The following SNED1 variants were observed in gnomAD, a reference collection of about 807,000 sequenced individuals.
SNED1 encodes the protein sushi, nidogen and EGF like domains 1, also known as sushi, nidogen and EGF-like domain-containing protein 1.
In SNED1, 81 loss-of-function variants were observed where a neutral mutation model predicts 166.7. That is an observed-to-expected ratio of 0.49 (90% CI 0.41 to 0.58). SNED1 has a LOEUF of 0.58. SNED1 is among the 20% of genes least tolerant of loss of function. The probability of loss-of-function intolerance (pLI) is 0.00; values close to 1 mark genes in which losing one functional copy is unlikely to be tolerated. For synonymous variants in SNED1, 762 were observed against 822.0 expected (o/e 0.93, Z 1.25); for missense variants, 1,604 against 2,000.2 (o/e 0.80, Z 3.78).
chr2:241,082,209 G>C (rs992458895), intron 28 of SNED1, 68 bp from the exon 29 acceptor site: 24 of 1,301,930 alleles, frequency 1.8e-5, no homozygotes, highest in Non-Finnish European at 2.6e-5. Context: ...CCTTGGGCAA[G>C]GCCTCTCAAG....
chr2:241,005,902 T>G (rs2060209532), intron 1 of SNED1, among the ~76,000 whole-genome samples: 1 of 152,082 alleles, frequency 6.6e-6, no homozygotes, highest in Non-Finnish European at 1.5e-5. Context: ...TCTGCTTGGT[T>G]TCATTAAGAC....
upstream of SNED1, among the ~76,000 whole-genome samples, chr2:240,998,493 G>A (rs544255971): frequency 4.7e-4 from 71 of 152,322 alleles, 1 homozygote; most frequent in South Asian, 0.014. Context: ...AGGGGACTGA[G>A]CTCCCCGCGC....
In SNED1 at chr2:241,036,929, C is replaced by T. The variant is rs1483750642; in HGVS notation, c.931+14C>T. 1 of 1,604,594 alleles carries T rather than the reference C, an allele frequency of 6.2e-7. No homozygotes were observed. The highest frequency in any genetic ancestry group is 1.7e-5 in the Admixed American group (1 of 58,676). ...GGTGCCACCTGGGTGAGTGACTGGC[C>T]CAGGGCGGGACCACCCGCTGGCTGC... On this transcript the variant is annotated intron_variant, in intron 5 of 31. Transcript: ENST00000310397.
chr2:241,076,042 C>T (rs551375418), intron 27 of SNED1, among the ~76,000 whole-genome samples: 1 of 152,204 alleles, frequency 6.6e-6, no homozygotes, highest in African/African-American at 2.4e-5. Flanking sequence ...TGTGTTCACT[C>T]TAACTTTGTA....
intron 1 of SNED1, among the ~76,000 whole-genome samples, chr2:241,008,563 G>C (rs920149484): frequency 9.2e-5 from 14 of 152,242 alleles, no homozygotes; most frequent in Admixed American, 3.3e-4. Context: ...ACTGCCGTCT[G>C]TCTGCGACCA....
rs1374297809 is a variant in SNED1, at chr2:241,048,612, C to A, written c.1400-50C>A. ...CAGGGCAGGGTCTGGAGCGAGGGTG[C>A]CATCTTTCTGCGCCCCCACATGGGA... On this transcript the variant is annotated intron_variant, in intron 9 of 31. Coordinates refer to ENST00000310397, the MANE Select transcript of SNED1 (RefSeq NM_001080437.3). 10 of 1,538,488 alleles carry A rather than the reference C, an allele frequency of 6.5e-6. No homozygotes were observed. In the African/African-American group the frequency reaches 1.4e-4, roughly 21 times the overall value.
At chr2:241,071,237 C>T (rs535182373) in intron 24 of SNED1, among the ~76,000 whole-genome samples, 1 of 152,314 alleles carries the variant, frequency 6.6e-6, no homozygotes, top group African/African-American at 2.4e-5. Flanking sequence ...CCAGGGCAGC[C>T]TGGGACCTGA....
At chr2:241,049,388 A>C (rs186546819) in intron 11 of SNED1, among the ~76,000 whole-genome samples, 77 of 152,358 alleles carry the variant, frequency 5.1e-4, no homozygotes, top group African/African-American at 1.7e-3. Flanking sequence ...TATCTTACCT[A>C]AGCCCCAACA....
chr2:241,008,525 C>T (rs2060290491), intron 1 of SNED1, among the ~76,000 whole-genome samples: 1 of 152,190 alleles, frequency 6.6e-6, no homozygotes, highest in South Asian at 2.1e-4. Context: ...AAGGGCAAGA[C>T]AGGCTGGAAG....
chr2:241,066,020 A>AG (rs1317168000), intron 21 of SNED1, among the ~76,000 whole-genome samples: 1 of 152,130 alleles, frequency 6.6e-6, no homozygotes, highest in African/African-American at 2.4e-5. Flanking sequence ...ACCTGCTCAC[A>AG]GGGATATGTA....
intron 21 of SNED1, 63 bp downstream of exon 21, chr2:241,065,658 C>T (rs1481967188): frequency 7.0e-7 from 1 of 1,429,268 alleles, no homozygotes; most frequent in African/African-American, 1.4e-5. Context: ...AGCGCTGGCC[C>T]CGGCACCTGC....
intron 1 of SNED1, among the ~76,000 whole-genome samples, chr2:241,014,135 A>G (rs975254592): frequency 5.3e-5 from 8 of 151,886 alleles, no homozygotes; most frequent in Admixed American, 1.3e-4. Flanking sequence ...CAGCCTCCCA[A>G]GTAGCTAGGA....
rs570233237 is a variant in SNED1, at chr2:241,075,382, G to T, written c.3916+2018G>T. 1 of 152,316 alleles carries T rather than the reference G, an allele frequency of 6.6e-6. No individual in the cohort carries two copies. Among genetic ancestry groups the T allele is most frequent in the African/African-American group, 2.4e-5 (1 of 41,558 alleles). 9.4% of individuals were successfully genotyped at this position (152,316 alleles called of 1,614,324 possible). A position where few individuals can be genotyped will look rare whatever the true frequency, so the allele number is the denominator to read the frequency against. Reference sequence around the variant, plus strand: ...GTGAATCCAGTCTCTCTAGAACTAGGTTTTGCCGGGTTTGCAGATCCTACA... The same window carrying T: ...GTGAATCCAGTCTCTCTAGAACTAGTTTTTGCCGGGTTTGCAGATCCTACA... On this transcript the variant is annotated intron_variant, in intron 27 of 31. Coordinates refer to ENST00000310397, the MANE Select transcript of SNED1 (RefSeq NM_001080437.3). The surrounding 1 kb of genome is among the most constrained non-coding windows in gnomAD (Gnocchi z 4.8).
rs57902432 is a variant in SNED1, at chr2:241,057,380, A to AATATATATATATATATAT, written c.2257+4069_2257+4086dup. 2.8e-3 allele frequency among the ~76,000 whole-genome samples: 335 copies of AATATATATATATATATAT among 118,008 alleles called. 1 individual carries two copies. Among genetic ancestry groups the AATATATATATATATATAT allele is most frequent in the African/African-American group, 6.5e-3 (170 of 26,126 alleles). The allele number at this position is 118,008 out of a possible 152,430, so 77.4% of individuals were successfully genotyped here. A position where few individuals can be genotyped will look rare whatever the true frequency, so the allele number is the denominator to read the frequency against. ...GGCGACGAGCAAAACTCCATCTCAA[A>AATATATATATATATATAT]ATATATATATATATATATATATATA... On this transcript the variant is annotated intron_variant, in intron 16 of 31. Coordinates refer to ENST00000310397, the MANE Select transcript of SNED1 (RefSeq NM_001080437.3).
Position 241,063,657 on chromosome 2 carries a change from C to T in SNED1, c.2442C>T (p.Val814=). 1 of 1,612,422 alleles carries T rather than the reference C, an allele frequency of 6.2e-7. No homozygotes were observed. Among genetic ancestry groups the T allele is most frequent in the South Asian group, 1.1e-5 (1 of 90,616 alleles). ...GSCRNLPGAY[V]CRCPAGFVGV... is the part of the protein sequence containing the mutation. Reference sequence around the variant, plus strand: ...GCAGGAACCTCCCAGGGGCCTATGTCTGCCGGTGCCCTGCAGGCTTCGTTG... The same window carrying T: ...GCAGGAACCTCCCAGGGGCCTATGTTTGCCGGTGCCCTGCAGGCTTCGTTG... The change falls in exon 18 of 32, where the codon GTC becomes GTT. Residue 814 remains valine, a synonymous_variant. Transcript: ENST00000310397.
At chr2:241,038,076 C>CA (rs1219942606) in intron 6 of SNED1, among the ~76,000 whole-genome samples, 2 of 151,906 alleles carry the variant, frequency 1.3e-5, no homozygotes, top group African/African-American at 4.8e-5. Context: ...TGGACCCCCC[C>CA]CCAATTCCTG....
chr2:241,068,898 C>T lies in SNED1; in HGVS notation c.3195-13C>T, dbSNP rs1436126253. The T allele has an allele frequency of 6.5e-7, 1 of 1,532,470 alleles. No homozygotes were observed. The highest frequency in any genetic ancestry group is 8.8e-7 in the Non-Finnish European group (1 of 1,131,846). The allele number at this position is 1,532,470 out of a possible 1,614,324, so 94.9% of individuals were successfully genotyped here. A position where few individuals can be genotyped will look rare whatever the true frequency, so the allele number is the denominator to read the frequency against. On this transcript the variant is annotated splice_polypyrimidine_tract_variant and intron_variant, in intron 22 of 31. Coordinates refer to ENST00000310397, the MANE Select transcript of SNED1 (RefSeq NM_001080437.3). The surrounding 1 kb of genome is among the most constrained non-coding windows in gnomAD (Gnocchi z 5.3). ...GACATCCCTGTTCTCTCTTTGTCAC[C>T]TCCTGCCCACAGGGCCCTGCTGCCT... is the stretch of plus-strand genomic sequence containing the variant.
Position 241,073,534 on chromosome 2 carries a change from C to T in SNED1, c.3916+170C>T, listed in dbSNP as rs993903441. On this transcript the variant is annotated intron_variant, in intron 27 of 31. Transcript: ENST00000310397. The surrounding 1 kb of genome is among the most constrained non-coding windows in gnomAD (Gnocchi z 6.6). ...GGTGTGGGAAGATGGGGTGAAGCTA[C>T]ACCACCCAAGCAGTGGGACCCCACA... is the stretch of plus-strand genomic sequence containing the variant. The T allele has an allele frequency of 1.8e-5, 12 of 662,020 alleles. No individual in the cohort carries two copies. In the African/African-American group the frequency reaches 2.0e-4, roughly 11 times the overall value. The allele number at this position is 662,020 out of a possible 1,614,324, so 41.0% of individuals were successfully genotyped here. A position where few individuals can be genotyped will look rare whatever the true frequency, so the allele number is the denominator to read the frequency against.
At chr2:241,023,189 A>C (rs933785665) in intron 1 of SNED1, among the ~76,000 whole-genome samples, 3 of 152,092 alleles carry the variant, frequency 2.0e-5, no homozygotes, top group African/African-American at 7.2e-5. Context: ...TTTATTTACT[A>C]TATATAGATA....
Sources: allele counts gnomAD v4.1 joint callset (sites outside exome capture counted in the v4.1 genomes callset), GRCh38; gene constraint gnomAD v4.1.1; non-coding constraint Gnocchi (gnomAD v3.1); transcripts MANE v1.5; gene names NCBI Gene and HGNC (gene_info 2026-07-23, HGNC 2026-07-21).